XRN1: variants seen among roughly 807,000 people sequenced by gnomAD.
The protein encoded by XRN1 is strand-exchange protein 1 homolog.
A neutral mutation model predicts 222.3 loss-of-function variants in XRN1; 67 were observed. The ratio of observed to expected loss-of-function variants is 0.30; its 90% CI spans 0.25 to 0.37. The LOEUF (loss-of-function observed/expected upper bound fraction) is 0.37. XRN1 is among the 10% of genes least tolerant of loss of function. XRN1 has a pLI of 1.00. For synonymous variants in XRN1, 643 were observed against 652.4 expected, an observed-to-expected ratio of 0.99 and a Z score of 0.22; for missense variants, 1,707 against 2,000.2, an observed-to-expected ratio of 0.85 and a Z score of 2.80.
At chr3:142,439,730 C>T (rs1190647477) in intron 1 of XRN1, among the ~76,000 whole-genome samples, 2 of 147,120 alleles carry the variant, frequency 1.4e-5, no homozygotes, top group East Asian at 2.0e-4. Context: ...GAGGAGCAGG[C>T]GGAACAGGAC....
At chr3:142,388,216 A>G (rs927803217) in intron 20 of XRN1, among the ~76,000 whole-genome samples, 1 of 152,190 alleles carries the variant, frequency 6.6e-6, no homozygotes, top group Non-Finnish European at 1.5e-5. Context: ...CCTACTCAAC[A>G]TGAAGACGAA....
chr3:142,400,293 T>A, intron 19 of XRN1, 151 bp downstream of exon 19: 1 of 548,296 alleles, frequency 1.8e-6, no homozygotes, highest in East Asian at 3.1e-5. Flanking sequence ...TGTTTGAACT[T>A]CAAGTGGTGT....
At chr3:142,375,143 G>T (rs935420837) in intron 25 of XRN1, among the ~76,000 whole-genome samples, 1 of 152,166 alleles carries the variant, frequency 6.6e-6, no homozygotes, top group African/African-American at 2.4e-5. Context: ...AACTGGTTGA[G>T]ACAATAAATT....
rs547194547 is a variant in XRN1 at position 142,446,014 on chromosome 3, T to C, written c.75+1856A>G. ...CAATATCAACGGTGTCTAGAGACTA[T>C]TGATAGTTTGCCTCACCTAGTTATG... On this transcript the variant is annotated intron_variant, in intron 1 of 40. Transcript: ENST00000392981. 1.2e-4 allele frequency among the ~76,000 whole-genome samples: 19 copies of C among 152,386 alleles called. No individual in the cohort carries two copies. The South Asian group carries it at 3.5e-3, about 28-fold the overall frequency.
At chr3:142,410,075 C>T (rs953966484) in intron 15 of XRN1, among the ~76,000 whole-genome samples, 1 of 152,146 alleles carries the variant, frequency 6.6e-6, no homozygotes, top group Non-Finnish European at 1.5e-5. Context: ...GATAATAATG[C>T]CACTTGCCAC....
intron 37 of XRN1, among the ~76,000 whole-genome samples, chr3:142,322,928 G>A (rs751056612): frequency 3.9e-5 from 6 of 152,134 alleles, no homozygotes; most frequent in Admixed American, 2.0e-4. Flanking sequence ...GCTTGAACCC[G>A]GGAGGCGGAG....
At chr3:142,379,476 G>T (rs925284855) in intron 23 of XRN1, among the ~76,000 whole-genome samples, 1 of 152,144 alleles carries the variant, frequency 6.6e-6, no homozygotes, top group African/African-American at 2.4e-5. Context: ...AGGCATGAGA[G>T]TCAGAAAATG....
rs1401961388 is a variant in XRN1 at position 142,329,460 on chromosome 3, C to A, written c.4378G>T (p.Asp1460Tyr). ...ICSLVGMPQPDFSFLRMPQTM... is the reference protein window; with the variant it reads ...ICSLVGMPQPYFSFLRMPQTM... Reference sequence around the variant, plus strand: ...TGTGGCATCCTAAGAAAGGAGAAATCAGGTTGTGGCATTCCAACAAGGGAA... The same window carrying A: ...TGTGGCATCCTAAGAAAGGAGAAATAAGGTTGTGGCATTCCAACAAGGGAA... The change falls in exon 37 of 41, where the codon GAT becomes TAT. Residue 1460 changes from aspartate to tyrosine, a missense_variant. Asp to Tyr is a radical substitution (Grantham distance 160, BLOSUM62 -3). Coordinates refer to ENST00000392981, the MANE Select transcript of XRN1 (RefSeq NM_001282857.2). The A allele has an allele frequency of 1.3e-6, 2 of 1,581,058 alleles. No individual in the cohort carries two copies. Among genetic ancestry groups the A allele is most frequent in the African/African-American group, 1.4e-5 (1 of 72,798 alleles).
chr3:142,421,281 G>T, intron 9 of XRN1, 128 bp from the exon 10 acceptor site: 1 of 998,156 alleles, frequency 1.0e-6, no homozygotes. Context: ...TTATATATAT[G>T]GGAGACCTCA....
At chr3:142,347,376 T>C (rs906017466) in intron 32 of XRN1, 34 bp from the exon 33 acceptor site, 8 of 1,330,228 alleles carry the variant, frequency 6.0e-6, no homozygotes, top group Non-Finnish European at 8.2e-6. Context: ...TTAAACAAAA[T>C]CTTAATATTA....
At chr3:142,356,455 A>G (rs991194584) in intron 31 of XRN1, among the ~76,000 whole-genome samples, 5 of 152,194 alleles carry the variant, frequency 3.3e-5, no homozygotes, top group Admixed American at 6.5e-5. Context: ...AGACAACTCA[A>G]TTTTTGTCCC....
chr3:142,355,984 A>G (rs2066456637), intron 31 of XRN1, among the ~76,000 whole-genome samples: 1 of 152,180 alleles, frequency 6.6e-6, no homozygotes, highest in Non-Finnish European at 1.5e-5. Context: ...TAGTAATCAC[A>G]AAAGTATTCT....
chr3:142,426,866 C>T, intron 2 of XRN1, 25 bp from the exon 3 acceptor site: 1 of 1,594,172 alleles, frequency 6.3e-7, no homozygotes, highest in Non-Finnish European at 8.6e-7. Context: ...GAAAAAAGTA[C>T]CTTAAGTTTT....
rs189567386 is a variant in XRN1 at position 142,426,143 on chromosome 3, T to C, written c.406+601A>G. Among the ~76,000 whole-genome samples the C allele has an allele frequency of 1.1e-3, 162 of 152,246 alleles. 1 individual carries two copies. The highest frequency in any genetic ancestry group is 0.01 in the Middle Eastern group (3 of 294). ...ACTTAAAGAAAGGGCAAATTACCAC[T>C]GTTAGTAAAGAACTGATGAGAAAGT... On this transcript the variant is annotated intron_variant, in intron 3 of 40. Transcript: ENST00000392981.
At position 142,310,746 on chromosome 3, in the gene XRN1, C is replaced by T. The variant is rs575658123; in HGVS notation, c.*765G>A. 7.2e-5 allele frequency: 11 copies of T among 152,534 alleles called. No individual in the cohort carries two copies. The highest frequency in any genetic ancestry group is 2.6e-4 in the Admixed American group (4 of 15,284). 9.4% of individuals were successfully genotyped at this position (152,534 alleles called of 1,614,324 possible). ...AGAAGATTAATTTGTAATCATTGTA[C>T]CCTGTAGATTTTGAAACAATTTTAC... is the stretch of plus-strand genomic sequence containing the variant. On this transcript the variant is annotated 3_prime_UTR_variant, in exon 41 of 41. Transcript: ENST00000392981.
In XRN1 at chr3:142,376,567, A is replaced by T; in HGVS notation, c.2743T>A (p.Tyr915Asn). Residue 915 changes from tyrosine to asparagine, a missense_variant, in exon 24 of 41, where the codon TAT (tyrosine) becomes AAT (asparagine). This residue lies in a region of XRN1 where 1,234 missense variants were observed against 1,518.2 expected (regional missense o/e 0.81). Coordinates refer to ENST00000392981, the MANE Select transcript of XRN1 (RefSeq NM_001282857.2). The part of the protein sequence containing the change: ...HKYSIKYNPG[Y>N]VLASRLGVSG... ...ACTCCAAGGCGACTGGCCAACACAT[A>T]TCCTGGGTTGTACTTTATAGAATAT... is the stretch of plus-strand genomic sequence containing the variant. 6.2e-7 allele frequency: 1 copy of T among 1,612,820 alleles called. No individual in the cohort carries two copies. Among genetic ancestry groups the T allele is most frequent in the Non-Finnish European group, 8.5e-7 (1 of 1,179,170 alleles).
intron 37 of XRN1, among the ~76,000 whole-genome samples, chr3:142,322,338 T>C (rs1291905889): frequency 1.3e-5 from 2 of 152,184 alleles, no homozygotes; most frequent in African/African-American, 4.8e-5. Flanking sequence ...ATCAGCCTCC[T>C]GAATAGCTGA....
chr3:142,412,397 G>A, intron 15 of XRN1, 147 bp downstream of exon 15: 1 of 1,158,434 alleles, frequency 8.6e-7, no homozygotes, highest in Non-Finnish European at 1.1e-6. Context: ...TGGCATACCT[G>A]GAAGTTTTTA....
chr3:142,397,974 G>C (rs2067991287), intron 19 of XRN1, among the ~76,000 whole-genome samples: 1 of 152,112 alleles, frequency 6.6e-6, no homozygotes. Context: ...GGGTGCAGTG[G>C]CTCATGCCTG....
Sources: gnomAD v4.1 joint callset for allele counts (sites outside exome capture counted in the v4.1 genomes callset) on GRCh38, gnomAD v4.1.1 for gene constraint, gnomAD v4.1.1 regional missense constraint, MANE v1.5 for transcripts, NCBI Gene and HGNC (gene_info 2026-07-23, HGNC 2026-07-21) for gene names.